CCND3: variants seen among roughly 807,000 people sequenced by gnomAD.
The protein encoded by CCND3 is cyclin D3, also known as G1/S-specific cyclin-D3.
In CCND3, 9 loss-of-function variants were observed where a neutral mutation model predicts 28.7. That is an observed-to-expected ratio of 0.31 (90% CI 0.19 to 0.55). The LOEUF (loss-of-function observed/expected upper bound fraction) is 0.55, where lower values mean the gene tolerates loss of function less well. CCND3 is among the 20% of genes least tolerant of loss of function. The pLI is 0.93. For missense variants in CCND3, 315 were observed against 385.8 expected, an observed-to-expected ratio of 0.82 and a Z score of 1.54; for synonymous variants, 164 against 163.9, an observed-to-expected ratio of 1.00 and a Z score of 0.00.
upstream of CCND3, among the ~76,000 whole-genome samples, chr6:41,946,074 C>T (rs149498767): frequency 7.9e-5 from 12 of 152,232 alleles, no homozygotes; most frequent in East Asian, 2.3e-3. Context: ...CCCTCCAGGG[C>T]CTGGAGCCAC....
chr6:41,984,347 T>TGTTC (rs1484628017), intron 1 of CCND3, among the ~76,000 whole-genome samples: 1 of 152,112 alleles, frequency 6.6e-6, no homozygotes. Context: ...TCTGTTTTTT[T>TGTTC]GTTTGTTTGT....
At chr6:41,992,330 T>G (rs2127416726) in intron 1 of CCND3, among the ~76,000 whole-genome samples, 1 of 151,900 alleles carries the variant, frequency 6.6e-6, no homozygotes, top group Non-Finnish European at 1.5e-5. Context: ...GCCCGGCTAA[T>G]TTTTGCATTT....
chr6:41,997,808 C>T (rs1412190190), intron 1 of CCND3, among the ~76,000 whole-genome samples: 1 of 151,782 alleles, frequency 6.6e-6, no homozygotes, highest in Non-Finnish European at 1.5e-5. Flanking sequence ...GAGATTAAAT[C>T]CAATCATCTC....
chr6:41,984,255 G>A (rs983060060), intron 1 of CCND3, among the ~76,000 whole-genome samples: 3 of 152,156 alleles, frequency 2.0e-5, no homozygotes, highest in Non-Finnish European at 2.9e-5. Context: ...TGAACATAGA[G>A]GTACAAATAT....
chr6:41,936,505 G>A lies in CCND3; in HGVS notation c.711+54C>T, dbSNP rs754828090. ...GGTTTCCCTCTACTGGAGGCTCAGG[G>A]CATAGCACTACTTTATGAATGGAGA... is the stretch of plus-strand genomic sequence containing the variant. On this transcript the variant is annotated intron_variant, in intron 4 of 4. Coordinates refer to ENST00000372991, the MANE Select transcript of CCND3 (RefSeq NM_001760.5). The surrounding 1 kb of genome is among the most constrained non-coding windows in gnomAD (Gnocchi z 4.4). 1.9e-6 allele frequency: 3 copies of A among 1,600,864 alleles called. No homozygotes were observed. Among genetic ancestry groups the A allele is most frequent in the Non-Finnish European group, 2.6e-6 (3 of 1,171,130 alleles).
At chr6:41,989,086 G>C (rs1443379274) in intron 1 of CCND3, among the ~76,000 whole-genome samples, 1 of 152,014 alleles carries the variant, frequency 6.6e-6, no homozygotes, top group East Asian at 1.9e-4. Flanking sequence ...AGACTAGGGG[G>C]AAATAATTGC....
chr6:41,940,354 G>C lies in CCND3; in HGVS notation c.414+16C>G, dbSNP rs771860300. On this transcript the variant is annotated intron_variant, in intron 2 of 4. Coordinates refer to ENST00000372991, the MANE Select transcript of CCND3 (RefSeq NM_001760.5). ...GAGACAATACGTGTCGGGGGTGGGG[G>C]GAGTTACACACGCACCCGCAACTGG... The C allele has an allele frequency of 9.4e-6, 15 of 1,597,926 alleles. No individual in the cohort carries two copies. In the Middle Eastern group the frequency reaches 8.3e-4, roughly 88 times the overall value.
At chr6:42,032,900 G>A (rs138872630) in intron 1 of CCND3, among the ~76,000 whole-genome samples, 2 of 152,282 alleles carry the variant, frequency 1.3e-5, no homozygotes, top group African/African-American at 2.4e-5. Context: ...TTCCTAGTGA[G>A]TCTATGAGTT....
chr6:42,023,200 C>T (rs977751037), intron 1 of CCND3, among the ~76,000 whole-genome samples: 36 of 152,194 alleles, frequency 2.4e-4, no homozygotes, highest in African/African-American at 8.7e-4. Flanking sequence ...AAACAAGTGT[C>T]CTTGTCACAG....
At chr6:41,953,770 T>G in intron 1 of CCND3, among the ~76,000 whole-genome samples, 1 of 152,020 alleles carries the variant, frequency 6.6e-6, no homozygotes, top group East Asian at 1.9e-4. Context: ...GGGCACTTGC[T>G]GTAATTCTGA....
At chr6:42,044,877 C>G (rs1764489057) in intron 1 of CCND3, among the ~76,000 whole-genome samples, 2 of 151,644 alleles carry the variant, frequency 1.3e-5, no homozygotes, top group South Asian at 4.2e-4. Context: ...CAACCTCCGC[C>G]TCCCGGGTTC....
chr6:41,964,475 AGTGTGTGT>A (rs373253252), intron 1 of CCND3, among the ~76,000 whole-genome samples: 1 of 108,056 alleles, frequency 9.3e-6, no homozygotes, highest in African/African-American at 4.1e-5. Context: ...TGTGTGTGTG[AGTGTGTGT>A]GAATGTGTGT....
Position 42,019,505 on chromosome 6 carries a change from A to G in CCND3, c.-46+28996T>C, listed in dbSNP as rs184042805. 7.8e-3 allele frequency among the ~76,000 whole-genome samples: 1,176 copies of G among 151,186 alleles called. 43 individuals carry two copies. The highest frequency in any genetic ancestry group is 0.055 in the Admixed American group (811 of 14,866). ...CTCTGTCTCAAAAAAAAAAAAAAAA[A>G]AAAGGAAAGGAAATATAACACCAGG... On this transcript the variant is annotated intron_variant, in intron 1 of 4. Coordinates refer to the CCND3 transcript ENST00000372988.
rs1764599974 is a variant in CCND3 at position 42,048,107 on chromosome 6, G to C, written c.-46+394C>G. ...TGTATCAATCAGACACCACTGAGGG[G>C]TCCCTCCCTCCAGTTTCATCCCGGT... On this transcript the variant is annotated intron_variant, in intron 1 of 4. Transcript: ENST00000372988. The surrounding 1 kb of genome is among the most constrained non-coding windows in gnomAD (Gnocchi z 4.7). The C allele has an allele frequency of 5.9e-6, 1 of 169,244 alleles. No homozygotes were observed. The highest frequency in any genetic ancestry group is 6.5e-5 in the Admixed American group (1 of 15,414). The allele number at this position is 169,244 out of a possible 1,614,324, so 10.5% of individuals were successfully genotyped here.
intron 1 of CCND3, among the ~76,000 whole-genome samples, chr6:41,994,100 T>C (rs1762730726): frequency 6.6e-6 from 1 of 150,574 alleles, no homozygotes; most frequent in African/African-American, 2.4e-5. Context: ...AACAATGGAC[T>C]GCATATATGA....
chr6:42,003,999 G>T (rs1763104357), intron 1 of CCND3, among the ~76,000 whole-genome samples: 1 of 149,780 alleles, frequency 6.7e-6, no homozygotes, highest in African/African-American at 2.5e-5. Flanking sequence ...CAAAACTTAG[G>T]TAATATGATC....
chr6:41,946,640 A>G (rs9349204), upstream of CCND3, among the ~76,000 whole-genome samples: 33,484 of 146,576 alleles, frequency 0.23, 4,192 homozygotes, highest in East Asian at 0.33. Context: ...AAACCAAACT[A>G]CATATAATTT....
chr6:42,027,824 G>T (rs1006953380), intron 1 of CCND3, among the ~76,000 whole-genome samples: 2 of 151,772 alleles, frequency 1.3e-5, no homozygotes, highest in African/African-American at 2.4e-5. Context: ...CTCAGCTCAC[G>T]GCAACCTCCG....
At chr6:42,013,797 G>A (rs1666875987) in intron 1 of CCND3, among the ~76,000 whole-genome samples, 1 of 152,174 alleles carries the variant, frequency 6.6e-6, no homozygotes, top group African/African-American at 2.4e-5. Flanking sequence ...CTCAGGGCCG[G>A]GCGTGGTGGC....
Sources: gnomAD v4.1 joint callset for allele counts (sites outside exome capture counted in the v4.1 genomes callset) on GRCh38, gnomAD v4.1.1 for gene constraint, Gnocchi (gnomAD v3.1) non-coding constraint, MANE v1.5 for transcripts, NCBI Gene and HGNC (gene_info 2026-07-23, HGNC 2026-07-21) for gene names.